Variants in GDF5 observed in about 807,000 individuals in gnomAD.
GDF5 encodes growth differentiation factor 5.
Under a neutral mutation model 34.6 loss-of-function variants are expected in GDF5, and 17 were observed. That is an observed-to-expected ratio of 0.49 (90% CI 0.34 to 0.74). The LOEUF is 0.74. GDF5 is among the 30% of genes least tolerant of loss of function. The pLI is 0.01. For missense variants in GDF5, 616 were observed against 661.2 expected (o/e 0.93, Z 0.75); for synonymous variants, 332 against 290.7 (o/e 1.14, Z -1.44).
At chr20:35,449,320 G>C (rs922151501) in intron 1 of GDF5, among the ~76,000 whole-genome samples, 1 of 151,726 alleles carries the variant, frequency 6.6e-6, no homozygotes, top group African/African-American at 2.4e-5. Context: ...GTGTTGCCCA[G>C]GTTGGAGTGC....
At chr20:35,436,342 C>T (rs2062472692) in intron 1 of GDF5, among the ~76,000 whole-genome samples, 1 of 151,850 alleles carries the variant, frequency 6.6e-6, no homozygotes. Flanking sequence ...CCCTGGCAGC[C>T]CCCTCCAGGC....
chr20:35,439,004 A>T (rs1449182249), upstream of GDF5, among the ~76,000 whole-genome samples: 2 of 151,868 alleles, frequency 1.3e-5, no homozygotes, highest in Non-Finnish European at 2.9e-5. Flanking sequence ...GAAAAATATC[A>T]GTGCCCACTA....
chr20:35,446,893 C>T (rs969596501), intron 1 of GDF5, among the ~76,000 whole-genome samples: 4 of 8,658 alleles, frequency 4.6e-4, no homozygotes, highest in African/African-American at 1.5e-3. Flanking sequence ...TCTGTGGGGA[C>T]TGCCTGTCCC....
chr20:35,451,064 A>AATATATATATATATATATATAT (rs1555824832), intron 1 of GDF5, among the ~76,000 whole-genome samples: 2 of 69,114 alleles, frequency 2.9e-5, no homozygotes, highest in South Asian at 4.8e-4. Context: ...AAAAAAAAAA[A>AATATATATATATATATATATAT]ATATATATAT....
At chr20:35,452,960 C>T (rs2062539077) in intron 1 of GDF5, among the ~76,000 whole-genome samples, 1 of 152,078 alleles carries the variant, frequency 6.6e-6, no homozygotes, top group Non-Finnish European at 1.5e-5. Flanking sequence ...ATGAAAGAAA[C>T]AGAAGACGGC....
At position 35,434,658 on chromosome 20, in the gene GDF5, C is replaced by T. The variant is rs779460734; in HGVS notation, c.757G>A (p.Ala253Thr). 3 of 1,610,080 alleles carry T rather than the reference C, an allele frequency of 1.9e-6. No homozygotes were observed. The East Asian group carries it at 6.7e-5, about 36-fold the overall frequency. Residue 253 changes from alanine (A) to threonine (T), a missense_variant, in exon 2 of 2, where the codon GCG becomes ACG. Transcript: ENST00000374369. ...GCAGCCCGCCCGCCTCCGGGGGCCGCTGGCTTGGCCGTGTCCGAGGGCTTC... is the reference window on the plus strand; with the variant it reads ...GCAGCCCGCCCGCCTCCGGGGGCCGTTGGCTTGGCCGTGTCCGAGGGCTTC... ...RKKPSDTAKP[A>T]APGGGRAAQL...
intron 1 of GDF5, 111 bp from the exon 2 acceptor site, chr20:35,434,894 A>T: frequency 8.9e-7 from 1 of 1,119,696 alleles, no homozygotes; most frequent in Middle Eastern, 2.0e-4. Context: ...GCTTTCTTTC[A>T]CCTCTGCCCC....
At chr20:35,442,140 C>T (rs938677069), upstream of GDF5, among the ~76,000 whole-genome samples, 1 of 151,872 alleles carries the variant, frequency 6.6e-6, no homozygotes, top group Admixed American at 6.6e-5. Flanking sequence ...CACATGTGGC[C>T]GAAAGTAACT....
At chr20:35,434,854 G>A (rs756190678) in intron 1 of GDF5, 71 bp from the exon 2 acceptor site, 1 of 1,478,830 alleles carries the variant, frequency 6.8e-7, no homozygotes, top group Non-Finnish European at 9.5e-7. Flanking sequence ...GGCTGCGGGG[G>A]AAGGCCCCAG....
chr20:35,437,491 C>T lies in GDF5; in HGVS notation c.438G>A (p.Leu146=), dbSNP rs1460773430. The change falls in exon 1 of 2, where the codon CTG becomes CTA. Residue 146 remains leucine (L), a synonymous_variant. Coordinates refer to ENST00000374369, the MANE Select transcript of GDF5 (RefSeq NM_000557.5). ...KAGSVPSSFL[L]KKAREPGPPR... is the part of the protein sequence containing the mutation. ...GGGGCCCGGGCTCCCTGGCCTTCTT[C>T]AGCAGGAAGGAGCTGGGGACAGATC... 2 of 1,614,140 alleles carry T rather than the reference C, an allele frequency of 1.2e-6. No homozygotes were observed. Among genetic ancestry groups the T allele is most frequent in the Non-Finnish European group, 1.7e-6 (2 of 1,180,022 alleles).
At chr20:35,449,849 A>G (rs1434941185) in intron 1 of GDF5, among the ~76,000 whole-genome samples, 4 of 151,992 alleles carry the variant, frequency 2.6e-5, no homozygotes, top group Non-Finnish European at 4.4e-5. Context: ...ATTAGCCAGG[A>G]CTGGTGGCAC....
chr20:35,440,397 C>T (rs991770206), upstream of GDF5, among the ~76,000 whole-genome samples: 3 of 151,960 alleles, frequency 2.0e-5, no homozygotes, highest in Non-Finnish European at 2.9e-5. Context: ...TCTGGCATCC[C>T]TCCCTTCACT....
chr20:35,439,906 TTC>T (rs2062492192), upstream of GDF5, among the ~76,000 whole-genome samples: 1 of 117,386 alleles, frequency 8.5e-6, no homozygotes, highest in South Asian at 3.0e-4. Flanking sequence ...ATAGGCTTCC[TTC>T]TTTTTTTTTT....
At chr20:35,435,303 T>G in intron 1 of GDF5, 1 of 193,838 alleles carries the variant, frequency 5.2e-6, no homozygotes, top group Non-Finnish European at 1.1e-5. Context: ...ATACAAAAAT[T>G]AACCAGGCAT....
Position 35,434,089 on chromosome 20 carries a change from C to T in GDF5, c.1326G>A (p.Glu442=). The T allele has an allele frequency of 1.2e-6, 2 of 1,614,136 alleles. No individual in the cohort carries two copies. The highest frequency in any genetic ancestry group is 1.7e-6 in the Non-Finnish European group (2 of 1,179,994). ...LCEFPLRSHL[E]PTNHAVIQTL... is the part of the protein sequence containing the mutation. Reference sequence around the variant, plus strand: ...TCTGGATGACTGCATGATTCGTGGGCTCCAGGTGGGAGCGCAATGGGAACT... The same window carrying T: ...TCTGGATGACTGCATGATTCGTGGGTTCCAGGTGGGAGCGCAATGGGAACT... Residue 442 remains glutamate, a synonymous_variant, in exon 2 of 2, where the codon GAG becomes GAA. Coordinates refer to ENST00000374369, the MANE Select transcript of GDF5 (RefSeq NM_000557.5).
intron 1 of GDF5, among the ~76,000 whole-genome samples, chr20:35,451,527 C>T (rs1024586259): frequency 6.6e-5 from 10 of 151,234 alleles, no homozygotes; most frequent in Admixed American, 1.3e-4. Flanking sequence ...CCTGTTTGTA[C>T]GTCTCAAATG....
In GDF5 at chr20:35,434,038, C is replaced by T; in HGVS notation, c.1377G>A (p.Glu459=). The change falls in exon 2 of 2, where the codon GAG becomes GAA. Residue 459 remains glutamate, a synonymous_variant. Transcript: ENST00000374369. The part of the protein sequence containing the change: ...IQTLMNSMDP[E]STPPTCCVPT... Reference sequence around the variant, plus strand: ...GCACACAGCAGGTGGGTGGTGTGGACTCGGGGTCCATGGAGTTCATCAGGG... The same window carrying T: ...GCACACAGCAGGTGGGTGGTGTGGATTCGGGGTCCATGGAGTTCATCAGGG... 11 of 1,611,634 alleles carry T rather than the reference C, an allele frequency of 6.8e-6. No homozygotes were observed. Among genetic ancestry groups the T allele is most frequent in the Non-Finnish European group, 8.5e-6 (10 of 1,179,060 alleles).
Position 35,434,041 on chromosome 20 carries a change from G to C in GDF5, c.1374C>G (p.Pro458=), listed in dbSNP as rs776415223. ...VIQTLMNSMD[P]ESTPPTCCVP... ...CACAGCAGGTGGGTGGTGTGGACTC[G>C]GGGTCCATGGAGTTCATCAGGGTCT... The change falls in exon 2 of 2, where the codon CCC becomes CCG. Residue 458 remains proline (P), a synonymous_variant. Transcript: ENST00000374369. The C allele has an allele frequency of 9.3e-6, 15 of 1,612,644 alleles. No homozygotes were observed. Among genetic ancestry groups the C allele is most frequent in the South Asian group, 6.6e-5 (6 of 90,994 alleles).
upstream of GDF5, among the ~76,000 whole-genome samples, chr20:35,439,376 T>C (rs1456418541): frequency 1.3e-5 from 2 of 151,612 alleles, no homozygotes; most frequent in Non-Finnish European, 2.9e-5. Flanking sequence ...TACAGGCCCC[T>C]GCCACCACAC....
Sources: allele counts gnomAD v4.1 joint callset (sites outside exome capture counted in the v4.1 genomes callset), GRCh38; gene constraint gnomAD v4.1.1; transcripts MANE v1.5; gene names NCBI Gene and HGNC (gene_info 2026-07-23, HGNC 2026-07-21).